Variants in BCAS3 observed in about 807,000 individuals in gnomAD.
BCAS3 encodes BCAS3 microtubule associated cell migration factor, also known as BCAS4/BCAS3 fusion.
In BCAS3, 53 loss-of-function variants were observed where a neutral mutation model predicts 116.1. That is an observed-to-expected ratio of 0.46 (90% CI 0.37 to 0.57). The LOEUF is 0.57. BCAS3 is among the 20% of genes least tolerant of loss of function. The pLI is 0.00. For synonymous variants in BCAS3, 391 were observed against 408.2 expected (o/e 0.96, Z 0.51); for missense variants, 917 against 1,165.4 (o/e 0.79, Z 3.10).
rs1030325048 is a variant in BCAS3, at chr17:61,019,692, AT to A, written c.1637+3799del. Among the ~76,000 whole-genome samples, 5 of 151,984 alleles carry A rather than the reference AT, an allele frequency of 3.3e-5. No homozygotes were observed. The highest frequency in any genetic ancestry group is 7.4e-5 in the Non-Finnish European group (5 of 67,972). On this transcript the variant is annotated intron_variant, in intron 16 of 23. Coordinates refer to ENST00000407086, the MANE Select transcript of BCAS3 (RefSeq NM_017679.5). The surrounding 1 kb of genome is among the most constrained non-coding windows in gnomAD (Gnocchi z 5.6). ...TTAAAGGCTATATTTATTTTATTAAATTTTTTTTACTATGACAAATTCTTAA... is the reference window on the plus strand; with the variant it reads ...TTAAAGGCTATATTTATTTTATTAAATTTTTTTACTATGACAAATTCTTAA...
At position 61,161,893 on chromosome 17, in the gene BCAS3, C is replaced by T. The variant is rs1163364798; in HGVS notation, c.2425+77329C>T. On this transcript the variant is annotated intron_variant, in intron 22 of 23. Coordinates refer to ENST00000407086, the MANE Select transcript of BCAS3 (RefSeq NM_017679.5). The surrounding 1 kb of genome is among the most constrained non-coding windows in gnomAD (Gnocchi z 4.8). ...GATTGCTGGACAAAGATGAGCAGCA[C>T]GGATTTGCTGCGATGGTCAGAATTC... is the stretch of plus-strand genomic sequence containing the variant. Among the ~76,000 whole-genome samples the T allele has an allele frequency of 6.6e-6, 1 of 152,160 alleles. No homozygotes were observed. The highest frequency in any genetic ancestry group is 1.9e-4 in the East Asian group (1 of 5,196).
At chr17:61,085,494 T>C (rs2073016505) in intron 22 of BCAS3, among the ~76,000 whole-genome samples, 1 of 152,212 alleles carries the variant, frequency 6.6e-6, no homozygotes, top group Admixed American at 6.5e-5. Context: ...GACCAAAGTT[T>C]CTGTCTGTGG....
At chr17:61,107,203 C>T (rs1347567722) in intron 22 of BCAS3, among the ~76,000 whole-genome samples, 1 of 150,440 alleles carries the variant, frequency 6.6e-6, no homozygotes, top group African/African-American at 2.4e-5. Flanking sequence ...TCTTCTGCCT[C>T]AGCCTCCTGA....
At chr17:61,133,562 A>G (rs975073839) in intron 22 of BCAS3, among the ~76,000 whole-genome samples, 2 of 152,204 alleles carry the variant, frequency 1.3e-5, no homozygotes, top group Non-Finnish European at 2.9e-5. Flanking sequence ...TTCCCTGTTA[A>G]GTAGGGAAGA....
intron 19 of BCAS3, among the ~76,000 whole-genome samples, chr17:61,062,692 C>T (rs1306108948): frequency 6.6e-6 from 1 of 152,014 alleles, no homozygotes; most frequent in Non-Finnish European, 1.5e-5. Flanking sequence ...CAAGATAAGC[C>T]CCATCAAGTT....
Position 61,313,419 on chromosome 17 carries a change from C to G in BCAS3, c.2426-54908C>G, listed in dbSNP as rs2054483676. Among the ~76,000 whole-genome samples, 1 of 152,232 alleles carries G rather than the reference C, an allele frequency of 6.6e-6. No individual in the cohort carries two copies. Among genetic ancestry groups the G allele is most frequent in the South Asian group, 2.1e-4 (1 of 4,836 alleles). Reference sequence around the variant, plus strand: ...TATTAGTTTTCAACCACATTTCAGACACAGAAAGTGGAGCCTAAGGAATAG... The same window carrying G: ...TATTAGTTTTCAACCACATTTCAGAGACAGAAAGTGGAGCCTAAGGAATAG... On this transcript the variant is annotated intron_variant, in intron 22 of 23. Coordinates refer to ENST00000407086, the MANE Select transcript of BCAS3 (RefSeq NM_017679.5). The surrounding 1 kb of genome is among the most constrained non-coding windows in gnomAD (Gnocchi z 4.3).
At chr17:61,081,452 A>G (rs763494165) in intron 21 of BCAS3, among the ~76,000 whole-genome samples, 12 of 152,226 alleles carry the variant, frequency 7.9e-5, no homozygotes, top group Non-Finnish European at 4.4e-5. Context: ...TTTGTTAATA[A>G]TAATAAATAA....
At chr17:60,901,212 T>TA (rs879817022) in intron 10 of BCAS3, among the ~76,000 whole-genome samples, 131 of 142,432 alleles carry the variant, frequency 9.2e-4, no homozygotes, top group Admixed American at 1.2e-3. Flanking sequence ...CTCTGTCTCT[T>TA]AAAAAAAAAA....
intron 19 of BCAS3, among the ~76,000 whole-genome samples, chr17:61,069,699 A>G (rs1054533827): frequency 1.3e-5 from 2 of 151,892 alleles, no homozygotes; most frequent in Non-Finnish European, 2.9e-5. Flanking sequence ...TTAGCCAGGC[A>G]TGGTGGCGCA....
chr17:61,325,347 C>T lies in BCAS3; in HGVS notation c.2426-42980C>T, dbSNP rs2055643162. Among the ~76,000 whole-genome samples, 3 of 152,206 alleles carry T rather than the reference C, an allele frequency of 2.0e-5. No homozygotes were observed. The highest frequency in any genetic ancestry group is 2.9e-5 in the Non-Finnish European group (2 of 68,040). On this transcript the variant is annotated intron_variant, in intron 22 of 23. Coordinates refer to ENST00000407086, the MANE Select transcript of BCAS3 (RefSeq NM_017679.5). The surrounding 1 kb of genome is among the most constrained non-coding windows in gnomAD (Gnocchi z 6.4). ...ACCTCCATCCTGTCCTGCACATACT[C>T]GGCGTGGCCTCTCCCCACCCTGCCC...
rs1326267651 is a variant in BCAS3, at chr17:61,132,749, A to T, written c.2425+48185A>T. On this transcript the variant is annotated intron_variant, in intron 22 of 23. Transcript: ENST00000407086. This position sits in a 1 kb window ranked among gnomAD's most constrained non-coding sequence, Gnocchi z 5.1. ...GGCAAGGTGGAGAGAAGGAAAGACA[A>T]GAGAAGTGGAAGATAGAGTCCACTC... 3.3e-5 allele frequency among the ~76,000 whole-genome samples: 5 copies of T among 152,192 alleles called. No homozygotes were observed. The highest frequency in any genetic ancestry group is 1.2e-4 in the African/African-American group (5 of 41,458).
chr17:60,720,789 G>A (rs946971408), intron 5 of BCAS3, among the ~76,000 whole-genome samples: 1 of 152,148 alleles, frequency 6.6e-6, no homozygotes, highest in African/African-American at 2.4e-5. Flanking sequence ...TTTATAAAAG[G>A]GACTTAAGCA....
rs193143348 is a variant in BCAS3, at chr17:61,083,327, T to C, written c.2328-1140T>C. On this transcript the variant is annotated intron_variant, in intron 21 of 23. Coordinates refer to ENST00000407086, the MANE Select transcript of BCAS3 (RefSeq NM_017679.5). The surrounding 1 kb of genome is among the most constrained non-coding windows in gnomAD (Gnocchi z 4.9). ...TTGTCATGAATGTTCATGTGCTATG[T>C]CATATATATACACATTGGTCTGTAT... 2.0e-5 allele frequency among the ~76,000 whole-genome samples: 3 copies of C among 149,370 alleles called. No homozygotes were observed. The highest frequency in any genetic ancestry group is 2.0e-4 in the Admixed American group (3 of 15,284).
chr17:61,072,505 T>C (rs2071531350), intron 19 of BCAS3, among the ~76,000 whole-genome samples: 1 of 152,116 alleles, frequency 6.6e-6, no homozygotes, highest in Non-Finnish European at 1.5e-5. Context: ...TAAATACTTA[T>C]TGAGTACTTG....
intron 8 of BCAS3, 101 bp from the exon 9 acceptor site, chr17:60,874,561 C>A: frequency 1.4e-6 from 1 of 700,114 alleles, no homozygotes; most frequent in Non-Finnish European, 2.4e-6. Flanking sequence ...TATTAGTAGG[C>A]ACTTGTTTTC....
chr17:60,979,846 C>T (rs1600183983), intron 14 of BCAS3, among the ~76,000 whole-genome samples: 1 of 152,000 alleles, frequency 6.6e-6, no homozygotes, highest in Non-Finnish European at 1.5e-5. Flanking sequence ...GGGATGAAGC[C>T]CACTTGATCA....
In BCAS3 at chr17:61,174,802, GA is replaced by G. The variant is rs534477593; in HGVS notation, c.2425+90239del. Among the ~76,000 whole-genome samples the G allele has an allele frequency of 8.0e-4, 122 of 152,278 alleles. 1 individual carries two copies. The highest frequency in any genetic ancestry group is 2.8e-3 in the African/African-American group (117 of 41,548). On this transcript the variant is annotated intron_variant, in intron 22 of 23. Coordinates refer to ENST00000407086, the MANE Select transcript of BCAS3 (RefSeq NM_017679.5). ...TGCTTCCCTACAATGCTCAAACGGG[GA>G]GAAAATGAGAAAAAATCTTGTAGGG...
rs200993634 is a variant in BCAS3 at position 61,134,895 on chromosome 17, G to GT, written c.2425+50340dup. 9.0e-4 allele frequency among the ~76,000 whole-genome samples: 135 copies of GT among 150,254 alleles called. No individual in the cohort carries two copies. The highest frequency in any genetic ancestry group is 3.4e-3 in the Middle Eastern group (1 of 290). On this transcript the variant is annotated intron_variant, in intron 22 of 23. Coordinates refer to ENST00000407086, the MANE Select transcript of BCAS3 (RefSeq NM_017679.5). This position sits in a 1 kb window ranked among gnomAD's most constrained non-coding sequence, Gnocchi z 4.6. Reference sequence around the variant, plus strand: ...TACTTTTCTCTTAGATTGTTGTTTTGTTTTTTTTTGAAATAAAACATTTGT... The same window carrying GT: ...TACTTTTCTCTTAGATTGTTGTTTTGTTTTTTTTTTGAAATAAAACATTTGT...
rs891676713 is a variant in BCAS3 at position 61,381,389 on chromosome 17, C to T, written c.2594-10588C>T. On this transcript the variant is annotated intron_variant, in intron 23 of 23. Coordinates refer to ENST00000407086, the MANE Select transcript of BCAS3 (RefSeq NM_017679.5). The surrounding 1 kb of genome is among the most constrained non-coding windows in gnomAD (Gnocchi z 6.0). Reference sequence around the variant, plus strand: ...GCCAGGCCGTTTCCATCTGGACGGGCGGCGGCACCACCACAATTAGCTGAG... The same window carrying T: ...GCCAGGCCGTTTCCATCTGGACGGGTGGCGGCACCACCACAATTAGCTGAG... Among the ~76,000 whole-genome samples, 2 of 152,148 alleles carry T rather than the reference C, an allele frequency of 1.3e-5. No individual in the cohort carries two copies. The highest frequency in any genetic ancestry group is 2.4e-5 in the African/African-American group (1 of 41,420).
Sources: allele counts gnomAD v4.1 joint callset (sites outside exome capture counted in the v4.1 genomes callset), GRCh38; gene constraint gnomAD v4.1.1; non-coding constraint Gnocchi (gnomAD v3.1); transcripts MANE v1.5; gene names NCBI Gene and HGNC (gene_info 2026-07-23, HGNC 2026-07-21).